Variants in MTR observed in about 807,000 individuals in gnomAD.
MTR encodes 5-methyltetrahydrofolate-homocysteine methyltransferase.
A neutral mutation model predicts 154.8 loss-of-function variants in MTR; 84 were observed. The observed-to-expected ratio is 0.54, with a 90% CI of 0.45 to 0.65. The LOEUF is 0.65. Among genes scored for constraint, MTR ranks in the 30% least tolerant of loss-of-function variants. The pLI, the probability that MTR is intolerant of heterozygous loss-of-function variation, is 0.00. For synonymous variants in MTR, 554 were observed against 553.9 expected (o/e 1.00, Z 0.00); for missense variants, 1,275 against 1,570.2 (o/e 0.81, Z 3.18).
intron 18 of MTR, among the ~76,000 whole-genome samples, chr1:236,856,994 G>A (rs916953943): frequency 2.6e-5 from 4 of 152,108 alleles, no homozygotes; most frequent in African/African-American, 4.8e-5. Flanking sequence ...ATAAACATAC[G>A]TGTATGTATC....
At chr1:236,873,731 G>A (rs1455832700) in intron 22 of MTR, 42 bp from the exon 23 acceptor site, 6 of 1,528,318 alleles carry the variant, frequency 3.9e-6, no homozygotes, top group Non-Finnish European at 5.4e-6. Flanking sequence ...TGTCTCTAAT[G>A]GGCTTTCATT....
At chr1:236,862,396 T>C in intron 21 of MTR, 53 bp downstream of exon 21, 1 of 1,468,548 alleles carries the variant, frequency 6.8e-7, no homozygotes, top group South Asian at 1.1e-5. Context: ...CCTGGAAGAC[T>C]TGAGGTGGTG....
At chr1:236,820,938 G>T (rs142939304) in intron 8 of MTR, among the ~76,000 whole-genome samples, 228 of 152,304 alleles carry the variant, frequency 1.5e-3, no homozygotes, top group African/African-American at 5.3e-3. Flanking sequence ...CTTGCTATCT[G>T]TATATCTTCT....
chr1:236,874,257 C>T (rs1665303798), intron 23 of MTR, among the ~76,000 whole-genome samples: 2 of 151,934 alleles, frequency 1.3e-5, no homozygotes, highest in African/African-American at 2.4e-5. Flanking sequence ...ATTGAAATTC[C>T]CCAGTCGGAA....
chr1:236,888,475 A>G (rs182484552), intron 27 of MTR, among the ~76,000 whole-genome samples: 229 of 152,356 alleles, frequency 1.5e-3, no homozygotes, highest in Non-Finnish European at 3.0e-3. Context: ...ACGTATACCC[A>G]CTAGCCAGCT....
chr1:236,867,120 C>T (rs1664862382), intron 22 of MTR, among the ~76,000 whole-genome samples: 1 of 152,138 alleles, frequency 6.6e-6, no homozygotes, highest in East Asian at 1.9e-4. Context: ...AAGTAGGTGC[C>T]ATGCAGGACT....
At chr1:236,845,332 A>G (rs565007197) in intron 15 of MTR, among the ~76,000 whole-genome samples, 71 of 152,256 alleles carry the variant, frequency 4.7e-4, no homozygotes, top group Non-Finnish European at 9.0e-4. Flanking sequence ...AAGATATACA[A>G]ATTAGAGCAG....
chr1:236,860,234 T>C (rs1664457780), intron 19 of MTR, among the ~76,000 whole-genome samples: 1 of 151,984 alleles, frequency 6.6e-6, no homozygotes, highest in African/African-American at 2.4e-5. Flanking sequence ...GAATATTCCT[T>C]CCCAAGTGTT....
At chr1:236,816,576 T>G (rs1248717148) in intron 8 of MTR, 33 bp downstream of exon 8, 4 of 1,581,658 alleles carry the variant, frequency 2.5e-6, no homozygotes, top group African/African-American at 2.7e-5. Context: ...ACTTCTTTTC[T>G]TTTTTGGGGA....
chr1:236,814,178 C>T (rs780671753), intron 6 of MTR, among the ~76,000 whole-genome samples: 1 of 151,740 alleles, frequency 6.6e-6, no homozygotes, highest in Non-Finnish European at 1.5e-5. Flanking sequence ...TCATTCTTAA[C>T]ACATCACTTT....
In MTR at chr1:236,891,166, A is replaced by C; in HGVS notation, c.3041A>C (p.His1014Pro). Residue 1014 changes from histidine (H) to proline (P), a missense_variant, in exon 29 of 33, where the codon CAC becomes CCC. His to Pro is a moderately conservative substitution (Grantham distance 77). Transcript: ENST00000366577. The part of the protein sequence containing the change: ...GEARKVYDDA[H>P]NMLNTLISQK... ...GCCAGGAAGGTCTACGATGATGCCC[A>C]CAATATGCTGAACACACTGATTAGT... 1 of 1,614,210 alleles carries C rather than the reference A, an allele frequency of 6.2e-7. No individual in the cohort carries two copies. Among genetic ancestry groups the C allele is most frequent in the Non-Finnish European group, 8.5e-7 (1 of 1,180,034 alleles).
chr1:236,894,368 C>G lies in MTR; in HGVS notation c.3216C>G (p.Asp1072Glu), dbSNP rs1314165351. The G allele has an allele frequency of 6.2e-7, 1 of 1,614,110 alleles. No individual in the cohort carries two copies. The highest frequency in any genetic ancestry group is 2.2e-5 in the East Asian group (1 of 44,898). ...FYGLRQQAEK[D>E]SASTEPYYCL... The stretch of plus-strand genomic sequence containing the variant: ...TCCTTGGTTTTAAGGCTGAGAAGGA[C>G]TCTGCCAGCACGGAGCCATACTACT... The change falls in exon 30 of 33, where the codon GAC becomes GAG. Residue 1072 changes from aspartate (D) to glutamate (E), a missense_variant. Transcript: ENST00000366577.
chr1:236,832,730 C>T (rs188208528), intron 13 of MTR, among the ~76,000 whole-genome samples: 207 of 152,248 alleles, frequency 1.4e-3, no homozygotes, highest in African/African-American at 4.8e-3. Context: ...ATCCAACTTT[C>T]CTCACTTTTT....
intron 15 of MTR, among the ~76,000 whole-genome samples, chr1:236,845,999 T>C (rs1663549176): frequency 6.6e-6 from 1 of 152,208 alleles, no homozygotes; most frequent in African/African-American, 2.4e-5. Flanking sequence ...ACACCAGCTT[T>C]GTTTCAATAT....
At chr1:236,891,825 CA>C (rs11478942) in intron 29 of MTR, among the ~76,000 whole-genome samples, 4,874 of 152,200 alleles carry the variant, frequency 0.032, 246 homozygotes, top group African/African-American at 0.11. Context: ...AATTTCCACA[CA>C]GCCGTGTGAG....
chr1:236,850,215 T>A (rs1663816991), intron 15 of MTR, 129 bp from the exon 16 acceptor site: 1 of 531,730 alleles, frequency 1.9e-6, no homozygotes, highest in African/African-American at 2.0e-5. Context: ...GAGTGAAATG[T>A]GCTCTAATGT....
chr1:236,856,142 A>G (rs138268243), intron 18 of MTR, among the ~76,000 whole-genome samples: 15 of 152,152 alleles, frequency 9.9e-5, no homozygotes, highest in African/African-American at 2.9e-4. Context: ...TTCCCACCCC[A>G]TAAGTCTGGT....
chr1:236,876,429 G>A (rs958644458), intron 24 of MTR, among the ~76,000 whole-genome samples: 5 of 152,292 alleles, frequency 3.3e-5, no homozygotes, highest in Admixed American at 1.3e-4. Flanking sequence ...ATGAGCATGG[G>A]CTTGGGTAAT....
chr1:236,800,011 G>A (rs1660620683), intron 1 of MTR: 1 of 975,768 alleles, frequency 1.0e-6, no homozygotes, highest in South Asian at 4.7e-5. Flanking sequence ...TTGTTTTGTG[G>A]TAAATAGTGA....
Sources: gnomAD v4.1 joint callset for allele counts (sites outside exome capture counted in the v4.1 genomes callset) on GRCh38, gnomAD v4.1.1 for gene constraint, MANE v1.5 for transcripts, NCBI Gene and HGNC (gene_info 2026-07-23, HGNC 2026-07-21) for gene names.